The following SETD7 variants were observed in gnomAD, a reference collection of about 807,000 sequenced individuals.
SETD7 encodes histone-lysine N-methyltransferase SETD7.
In SETD7, 16 loss-of-function variants were observed where a neutral mutation model predicts 41.8. The observed-to-expected ratio is 0.38, with a 90% CI of 0.26 to 0.58. The LOEUF is 0.58. Among genes scored for constraint, SETD7 ranks in the 20% least tolerant of loss-of-function variants. The probability of loss-of-function intolerance (pLI) is 0.64; values close to 1 mark genes in which losing one functional copy is unlikely to be tolerated. For missense variants in SETD7, 346 were observed against 459.7 expected (o/e 0.75, Z 2.26); for synonymous variants, 163 against 169.7 (o/e 0.96, Z 0.31).
downstream of SETD7, among the ~76,000 whole-genome samples, chr4:139,495,242 A>T (rs1726432344): frequency 6.6e-6 from 1 of 152,220 alleles, no homozygotes; most frequent in African/African-American, 2.4e-5. Flanking sequence ...TTTCTCCAGA[A>T]ATTCAAGGAA....
chr4:139,549,741 A>T (rs1728058050), intron 1 of SETD7, among the ~76,000 whole-genome samples: 1 of 151,952 alleles, frequency 6.6e-6, no homozygotes, highest in Admixed American at 6.6e-5. Context: ...TGTAGCTGGG[A>T]CTATAGGTAG....
rs1405431448 is a variant in SETD7, at chr4:139,508,619, C to T, written c.*3044G>A. 2 of 152,172 alleles carry T rather than the reference C, an allele frequency of 1.3e-5. No individual in the cohort carries two copies. Among genetic ancestry groups the T allele is most frequent in the Non-Finnish European group, 2.9e-5 (2 of 68,046 alleles). 9.4% of individuals were successfully genotyped at this position (152,172 alleles called of 1,614,324 possible). On this transcript the variant is annotated 3_prime_UTR_variant, in exon 8 of 8. Coordinates refer to ENST00000274031, the MANE Select transcript of SETD7 (RefSeq NM_030648.4). The stretch of plus-strand genomic sequence containing the variant: ...ATCTCCTTGAGATTACAGTGTCGCA[C>T]ACACACATAGGCTCCCGCTGTTTTT...
chr4:139,518,102 A>G, intron 6 of SETD7, 60 bp from the exon 7 acceptor site: 2 of 1,507,754 alleles, frequency 1.3e-6, no homozygotes, highest in South Asian at 1.3e-5. Flanking sequence ...GTCAAAGGAC[A>G]TCAGAGATAT....
intron 6 of SETD7, among the ~76,000 whole-genome samples, chr4:139,519,867 T>G (rs1221462157): frequency 6.6e-6 from 1 of 152,224 alleles, no homozygotes; most frequent in Non-Finnish European, 1.5e-5. Context: ...CATTTTGTTT[T>G]TAATTTTTTT....
chr4:139,548,559 G>C (rs1728024811), intron 1 of SETD7, among the ~76,000 whole-genome samples: 1 of 152,186 alleles, frequency 6.6e-6, no homozygotes, highest in African/African-American at 2.4e-5. Flanking sequence ...TTGAACCCAG[G>C]AAGCAGAGGT....
At position 139,529,313 on chromosome 4, in the gene SETD7, A is replaced by G. The variant is rs1727417397; in HGVS notation, c.373-93T>C. 4 of 939,210 alleles carry G rather than the reference A, an allele frequency of 4.3e-6. No homozygotes were observed. In the East Asian group the frequency reaches 1.0e-4, roughly 23 times the overall value. The allele number at this position is 939,210 out of a possible 1,614,324, so 58.2% of individuals were successfully genotyped here. A position where few individuals can be genotyped will look rare whatever the true frequency, so the allele number is the denominator to read the frequency against. ...TTTCTCTTCTGCAGTCCCATTATTA[A>G]TATAGCACCAGTAGGGATAATAACA... On this transcript the variant is annotated intron_variant, in intron 3 of 7. Transcript: ENST00000274031.
intron 7 of SETD7, among the ~76,000 whole-genome samples, chr4:139,497,720 G>C (rs564803973): frequency 1.3e-5 from 2 of 151,840 alleles, no homozygotes; most frequent in African/African-American, 4.8e-5. Flanking sequence ...CTCCTGAGTA[G>C]CTGGGATTAC....
chr4:139,531,217 TA>T (rs1727475818), intron 3 of SETD7, among the ~76,000 whole-genome samples: 1 of 152,222 alleles, frequency 6.6e-6, no homozygotes, highest in South Asian at 2.1e-4. Context: ...AATGTAGCTA[TA>T]TTTTTGGTTT....
At chr4:139,542,454 C>T (rs914500013) in intron 2 of SETD7, among the ~76,000 whole-genome samples, 3 of 152,088 alleles carry the variant, frequency 2.0e-5, no homozygotes, top group South Asian at 2.1e-4. Context: ...ATGCTAATTA[C>T]CCTGATTGAT....
chr4:139,528,748 A>G (rs1727399242), intron 4 of SETD7, among the ~76,000 whole-genome samples: 1 of 152,172 alleles, frequency 6.6e-6, no homozygotes, highest in Non-Finnish European at 1.5e-5. Context: ...TAGGCCCCAG[A>G]ATTAAGACAA....
At chr4:139,538,653 C>A (rs1414606392) in intron 2 of SETD7, among the ~76,000 whole-genome samples, 2 of 151,256 alleles carry the variant, frequency 1.3e-5, no homozygotes, top group Admixed American at 1.3e-4. Flanking sequence ...ACGCATTTTC[C>A]TACCTTCTGT....
At chr4:139,534,657 AC>A (rs1447227030) in intron 2 of SETD7, among the ~76,000 whole-genome samples, 2 of 152,216 alleles carry the variant, frequency 1.3e-5, no homozygotes, top group East Asian at 3.9e-4. Flanking sequence ...CCCAGCCACA[AC>A]TAGTCAACAT....
chr4:139,502,446 C>G (rs1309623797), downstream of SETD7, among the ~76,000 whole-genome samples: 1 of 152,172 alleles, frequency 6.6e-6, no homozygotes, highest in East Asian at 1.9e-4. Flanking sequence ...AGGGCAGAGC[C>G]TGTGGCTCTC....
downstream of SETD7, among the ~76,000 whole-genome samples, chr4:139,501,948 A>C (rs1041520938): frequency 6.6e-6 from 1 of 152,210 alleles, no homozygotes; most frequent in African/African-American, 2.4e-5. Context: ...GGCATCCCAG[A>C]GCAGGCGGAG....
In SETD7 at chr4:139,511,080, T is replaced by A. The variant is rs1429050505; in HGVS notation, c.*583A>T. ...TGGAAGTTTTCTCTTGTAAAGGGTA[T>A]CTAAGAAAGAGAATAGGGCTGAGGG... On this transcript the variant is annotated 3_prime_UTR_variant, in exon 8 of 8. Coordinates refer to ENST00000274031, the MANE Select transcript of SETD7 (RefSeq NM_030648.4). The A allele has an allele frequency of 6.6e-6, 1 of 152,630 alleles. No individual in the cohort carries two copies. Among genetic ancestry groups the A allele is most frequent in the Admixed American group, 6.5e-5 (1 of 15,268 alleles). The allele number at this position is 152,630 out of a possible 1,614,324, so 9.5% of individuals were successfully genotyped here. A position where few individuals can be genotyped will look rare whatever the true frequency, so the allele number is the denominator to read the frequency against.
In SETD7 at chr4:139,546,940, C is replaced by T. The variant is rs768561121; in HGVS notation, c.150G>A (p.Lys50=). ...FVHGEKNGRG[K]FFFFDGSTLE... is the part of the protein sequence containing the mutation. ...GCTACCTGCCATCAAAGAAGAAGAA[C>T]TTCCCCCGTCCGTTCTTTTCTCCGT... The change falls in exon 2 of 8, where the codon AAG becomes AAA. Residue 50 remains lysine (K), a synonymous_variant. Transcript: ENST00000274031. The T allele has an allele frequency of 1.9e-6, 3 of 1,614,218 alleles. No individual in the cohort carries two copies. Among genetic ancestry groups the T allele is most frequent in the Admixed American group, 3.3e-5 (2 of 60,022 alleles).
chr4:139,535,121 C>T (rs1218941872), intron 2 of SETD7, among the ~76,000 whole-genome samples: 2 of 151,916 alleles, frequency 1.3e-5, no homozygotes, highest in Non-Finnish European at 2.9e-5. Flanking sequence ...TGTCATTAGA[C>T]TCCCACAATT....
chr4:139,556,191 T>C lies in SETD7; in HGVS notation c.-54A>G. 6.4e-7 allele frequency: 1 copy of C among 1,553,046 alleles called. No homozygotes were observed. The highest frequency in any genetic ancestry group is 2.5e-5 in the East Asian group (1 of 39,888). Reference sequence around the variant, plus strand: ...GCTGCGCGGCTGCCTCCCGTCCCTCTGGGTGCTCCCGGCGGCTGAGCGAGC... The same window carrying C: ...GCTGCGCGGCTGCCTCCCGTCCCTCCGGGTGCTCCCGGCGGCTGAGCGAGC... On this transcript the variant is annotated 5_prime_UTR_variant, in exon 1 of 8. Coordinates refer to ENST00000274031, the MANE Select transcript of SETD7 (RefSeq NM_030648.4).
chr4:139,505,975 C>T (rs1175896984), downstream of SETD7: 1 of 152,582 alleles, frequency 6.6e-6, no homozygotes, highest in East Asian at 1.9e-4. Context: ...TACAGGTAGA[C>T]ACATTATAAG....
Sources: gnomAD v4.1 joint callset for allele counts (sites outside exome capture counted in the v4.1 genomes callset) on GRCh38, gnomAD v4.1.1 for gene constraint, MANE v1.5 for transcripts, NCBI Gene and HGNC (gene_info 2026-07-23, HGNC 2026-07-21) for gene names.